UBA52: variants seen among roughly 807,000 people sequenced by gnomAD.
UBA52 encodes the protein ubiquitin-ribosomal protein eL40 fusion protein.
Under a neutral mutation model 15.3 loss-of-function variants are expected in UBA52, and 1 was observed. The ratio of observed to expected loss-of-function variants is 0.07; its 90% CI spans 0.02 to 0.31. UBA52 has a LOEUF of 0.31. Ranked by LOEUF, UBA52 falls within the 10% of genes least tolerant of loss-of-function variation. The pLI, the probability that UBA52 is intolerant of heterozygous loss-of-function variation, is 1.00. For missense variants in UBA52, 87 were observed against 168.0 expected (o/e 0.52, Z 2.66); for synonymous variants, 50 against 58.3 (o/e 0.86, Z 0.65).
chr19:18,564,717 C>T, the UBA52 span: 9 of 831,786 alleles, frequency 1.1e-5, no homozygotes, highest in East Asian at 2.2e-4. Flanking sequence ...TGCTAGGTGG[C>T]TCAAAGAGTA....
chr19:18,568,687 C>A, upstream of UBA52: 1 of 1,346,292 alleles, frequency 7.4e-7, no homozygotes, highest in Non-Finnish European at 1.0e-6. Flanking sequence ...AAGGTGGCAG[C>A]GGGTAACCCT....
upstream of UBA52, among the ~76,000 whole-genome samples, chr19:18,569,982 G>T (rs750130662): frequency 3.1e-4 from 47 of 152,256 alleles, no homozygotes; most frequent in Non-Finnish European, 4.4e-4. Flanking sequence ...AGTGAGCCAA[G>T]ATCGCACCAC....
At position 18,575,266 on chromosome 19, in the gene UBA52, C is replaced by T. The variant is rs1461106073; in HGVS notation, c.*116C>T. 1 of 1,280,762 alleles carries T rather than the reference C, an allele frequency of 7.8e-7. No individual in the cohort carries two copies. The highest frequency in any genetic ancestry group is 1.1e-6 in the Non-Finnish European group (1 of 913,622). The allele number at this position is 1,280,762 out of a possible 1,614,324, so 79.3% of individuals were successfully genotyped here. A position where few individuals can be genotyped will look rare whatever the true frequency, so the allele number is the denominator to read the frequency against. ...ATTGGTGTCCTCATGGCTGATCTGTCCAGGGAGGTGGCTGAAGAGTGGGCA... is the reference window on the plus strand; with the variant it reads ...ATTGGTGTCCTCATGGCTGATCTGTTCAGGGAGGTGGCTGAAGAGTGGGCA... On this transcript the variant is annotated 3_prime_UTR_variant, in exon 5 of 5. Coordinates refer to ENST00000442744, the MANE Select transcript of UBA52 (RefSeq NM_001033930.3).
the UBA52 span, chr19:18,564,899 G>A: frequency 2.5e-6 from 4 of 1,613,674 alleles, no homozygotes; most frequent in African/African-American, 1.3e-5. Flanking sequence ...CCAATGAGAT[G>A]CTGCTCAACT....
chr19:18,576,764 C>T lies in UBA52; in HGVS notation c.*1614C>T, dbSNP rs1163217172. The T allele has an allele frequency of 6.6e-6, 1 of 150,508 alleles. No individual in the cohort carries two copies. The highest frequency in any genetic ancestry group is 1.5e-5 in the Non-Finnish European group (1 of 67,912). 9.3% of individuals were successfully genotyped at this position (150,508 alleles called of 1,614,324 possible). On this transcript the variant is annotated 3_prime_UTR_variant, in exon 5 of 5. Coordinates refer to ENST00000442744, the MANE Select transcript of UBA52 (RefSeq NM_001033930.3). ...GCAGCTTCTGCCTCTCGGGTTCAAGCGATTCTCCTTTCTCAGCCTCTTGAG... is the reference window on the plus strand; with the variant it reads ...GCAGCTTCTGCCTCTCGGGTTCAAGTGATTCTCCTTTCTCAGCCTCTTGAG...
chr19:18,564,892 A>G, the UBA52 span: 19 of 1,613,698 alleles, frequency 1.2e-5, no homozygotes, highest in Admixed American at 3.3e-5. Context: ...GAGAAGACCA[A>G]TGAGATGCTG....
At chr19:18,568,769 C>T, upstream of UBA52, 1 of 651,772 alleles carries the variant, frequency 1.5e-6, no homozygotes, top group South Asian at 1.9e-5. Flanking sequence ...GGACAAGGCT[C>T]TCTCCCGAGG....
chr19:18,573,922 G>A (rs1600621877), intron 3 of UBA52, 174 bp downstream of exon 3: 2 of 618,804 alleles, frequency 3.2e-6, no homozygotes, highest in Non-Finnish European at 5.5e-6. Context: ...AGGCTTAGGC[G>A]GGTGGATCAC....
rs972316836 is a variant in UBA52 at position 18,577,259 on chromosome 19, A to G, written c.*2109A>G. The G allele has an allele frequency of 1.3e-5, 2 of 152,038 alleles. No individual in the cohort carries two copies. Among genetic ancestry groups the G allele is most frequent in the Non-Finnish European group, 2.9e-5 (2 of 68,012 alleles). The allele number at this position is 152,038 out of a possible 1,614,324, so 9.4% of individuals were successfully genotyped here. A position where few individuals can be genotyped will look rare whatever the true frequency, so the allele number is the denominator to read the frequency against. On this transcript the variant is annotated 3_prime_UTR_variant, in exon 5 of 5. Transcript: ENST00000442744. ...ACTCAGGGTTTTGAGTTCTTAACTG[A>G]TCGAATGAAGGATTCAAAATTAACC...
At chr19:18,564,779 G>A in the UBA52 span, 2 of 1,452,092 alleles carry the variant, frequency 1.4e-6, no homozygotes, top group Non-Finnish European at 9.5e-7. Context: ...TGTGAAGCAG[G>A]CAAGGGCTTG....
At position 18,573,422 on chromosome 19, in the gene UBA52, G is replaced by A. The variant is rs774082003; in HGVS notation, c.103+19G>A. On this transcript the variant is annotated intron_variant, in intron 2 of 4. Transcript: ENST00000442744. ...AAGGAGGGTGAGTAGGGCTGGGTGT[G>A]GGGGCTCTGGCTGTGAACTGGGAGT... 7 of 1,603,064 alleles carry A rather than the reference G, an allele frequency of 4.4e-6. No homozygotes were observed. In the Admixed American group the frequency reaches 5.1e-5, roughly 12 times the overall value.
chr19:18,565,431 G>A, the UBA52 span, among the ~76,000 whole-genome samples: 1 of 152,056 alleles, frequency 6.6e-6, no homozygotes. Flanking sequence ...GGGTTTCACC[G>A]TGTTAGTAGT....
chr19:18,563,918 G>T, the UBA52 span, among the ~76,000 whole-genome samples: 2 of 150,210 alleles, frequency 1.3e-5, no homozygotes, highest in African/African-American at 2.5e-5. Flanking sequence ...ACATAGTTTC[G>T]CACTGTCACC....
chr19:18,567,320 G>A (rs957714879), upstream of UBA52: 7 of 820,562 alleles, frequency 8.5e-6, no homozygotes, highest in Non-Finnish European at 1.2e-5. Flanking sequence ...GGTGGGGGCA[G>A]GGTCAGGGTG....
rs1975816550 is a variant in UBA52 at position 18,577,014 on chromosome 19, C to T, written c.*1864C>T. ...TTTTTTTTTTACAGACATGGTCTCG[C>T]TATGTTGCCCAGAATGGTTTTGCAC... On this transcript the variant is annotated 3_prime_UTR_variant, in exon 5 of 5. Coordinates refer to ENST00000442744, the MANE Select transcript of UBA52 (RefSeq NM_001033930.3). 2 of 136,344 alleles carry T rather than the reference C, an allele frequency of 1.5e-5. No homozygotes were observed. The highest frequency in any genetic ancestry group is 1.6e-4 in the Admixed American group (2 of 12,404). The allele number at this position is 136,344 out of a possible 1,614,324, so 8.4% of individuals were successfully genotyped here. A position where few individuals can be genotyped will look rare whatever the true frequency, so the allele number is the denominator to read the frequency against.
rs1173663313 is a variant in UBA52 at position 18,577,120 on chromosome 19, T to G, written c.*1970T>G. 1 of 151,830 alleles carries G rather than the reference T, an allele frequency of 6.6e-6. No homozygotes were observed. Among genetic ancestry groups the G allele is most frequent in the Non-Finnish European group, 1.5e-5 (1 of 68,020 alleles). 9.4% of individuals were successfully genotyped at this position (151,830 alleles called of 1,614,324 possible). ...GCACCTTGCTGGCCCCTGTTTTGAT[T>G]AGGGTGCAGTGCTGGTGAAGCCGGT... is the stretch of plus-strand genomic sequence containing the variant. On this transcript the variant is annotated 3_prime_UTR_variant, in exon 5 of 5. Coordinates refer to ENST00000442744, the MANE Select transcript of UBA52 (RefSeq NM_001033930.3).
chr19:18,573,628 G>T lies in UBA52; in HGVS notation c.104-34G>T, dbSNP rs778054253. 5.0e-6 allele frequency: 8 copies of T among 1,607,428 alleles called. No homozygotes were observed. In the Admixed American group the frequency reaches 8.4e-5, roughly 17 times the overall value. ...GAGGACACTGCCAGTAATATGGTCC[G>T]CAGAGCCTCTAACTGAGCCTCCCTC... On this transcript the variant is annotated intron_variant, in intron 2 of 4. Transcript: ENST00000442744.
chr19:18,575,729 C>G lies in UBA52; in HGVS notation c.*579C>G, dbSNP rs1246890726. On this transcript the variant is annotated 3_prime_UTR_variant, in exon 5 of 5. Coordinates refer to ENST00000442744, the MANE Select transcript of UBA52 (RefSeq NM_001033930.3). Reference sequence around the variant, plus strand: ...AAGAACTGCCATGCCTGACCCAGTTCTCAGTTTTTTGTTTGTTTGTTTGTT... The same window carrying G: ...AAGAACTGCCATGCCTGACCCAGTTGTCAGTTTTTTGTTTGTTTGTTTGTT... The G allele has an allele frequency of 1.3e-5, 2 of 159,890 alleles. No individual in the cohort carries two copies. Among genetic ancestry groups the G allele is most frequent in the African/African-American group, 4.8e-5 (2 of 41,338 alleles). 9.9% of individuals were successfully genotyped at this position (159,890 alleles called of 1,614,324 possible).
At chr19:18,568,528 C>A, upstream of UBA52, 18 of 1,614,116 alleles carry the variant, frequency 1.1e-5, no homozygotes, top group Non-Finnish European at 1.5e-5. Flanking sequence ...ACCGTCTCGC[C>A]CTCCCTGAGC....
Sources: allele counts gnomAD v4.1 joint callset (sites outside exome capture counted in the v4.1 genomes callset), GRCh38; gene constraint gnomAD v4.1.1; transcripts MANE v1.5; gene names NCBI Gene and HGNC (gene_info 2026-07-23, HGNC 2026-07-21).